PHKB: variants seen among roughly 807,000 people sequenced by gnomAD.
PHKB encodes phosphorylase b kinase regulatory subunit beta.
A neutral mutation model predicts 152.1 loss-of-function variants in PHKB; 122 were observed. That is an observed-to-expected ratio of 0.80 (90% CI 0.69 to 0.93). The LOEUF is 0.93. Among genes scored for constraint, PHKB ranks in the 40% least tolerant of loss-of-function variants. The probability of loss-of-function intolerance (pLI) is 0.00; values close to 1 mark genes in which losing one functional copy is unlikely to be tolerated. For synonymous variants in PHKB, 436 were observed against 464.9 expected, an observed-to-expected ratio of 0.94 and a Z score of 0.80; for missense variants, 1,304 against 1,328.4, an observed-to-expected ratio of 0.98 and a Z score of 0.29.
At chr16:47,476,961 TTC>T (rs1969879469) in intron 1 of PHKB, among the ~76,000 whole-genome samples, 1 of 152,190 alleles carries the variant, frequency 6.6e-6, no homozygotes, top group African/African-American at 2.4e-5. Context: ...CTTCCTCACA[TTC>T]TCTGCTGCAA....
At chr16:47,518,133 TA>T (rs879483516) in intron 6 of PHKB, among the ~76,000 whole-genome samples, 3 of 152,200 alleles carry the variant, frequency 2.0e-5, no homozygotes, top group Non-Finnish European at 4.4e-5. Flanking sequence ...ACTCACATTT[TA>T]AGACAATCTA....
intron 6 of PHKB, among the ~76,000 whole-genome samples, chr16:47,545,582 C>A (rs1971146647): frequency 6.6e-6 from 1 of 152,126 alleles, no homozygotes; most frequent in Non-Finnish European, 1.5e-5. Context: ...TGAGGTTGCT[C>A]TTTTCGAGGA....
chr16:47,464,471 G>A (rs1969632811), intron 1 of PHKB, among the ~76,000 whole-genome samples: 1 of 152,140 alleles, frequency 6.6e-6, no homozygotes, highest in African/African-American at 2.4e-5. Flanking sequence ...ATGTGCTTTG[G>A]CCTTTATCCT....
chr16:47,591,924 C>T (rs1441109306), intron 10 of PHKB, among the ~76,000 whole-genome samples: 2 of 152,176 alleles, frequency 1.3e-5, no homozygotes, highest in Non-Finnish European at 2.9e-5. Context: ...CTATTACTCC[C>T]TGGTTTAGGC....
At chr16:47,579,537 A>G (rs1019109942) in intron 7 of PHKB, among the ~76,000 whole-genome samples, 1 of 152,184 alleles carries the variant, frequency 6.6e-6, no homozygotes, top group African/African-American at 2.4e-5. Context: ...TGGCAAATAC[A>G]CTTGCTTTGA....
rs1043960499 is a variant in PHKB at position 47,473,218 on chromosome 16, ATTTTTTTTTTTTTTTT to A, written c.76+11811_76+11826del. On this transcript the variant is annotated intron_variant, in intron 1 of 30. Transcript: ENST00000323584. ...AGGTGTGCACTACCATGCCTGGCTA[ATTTTTTTTTTTTTTTT>A]TTTTTTTTTTTTTTTTTTATTGTAG... Among the ~76,000 whole-genome samples, 382 of 48,788 alleles carry A rather than the reference ATTTTTTTTTTTTTTTT, an allele frequency of 7.8e-3. 11 individuals are homozygous for A. The East Asian group carries it at 0.17, about 22-fold the overall frequency. 32.0% of individuals were successfully genotyped at this position (48,788 alleles called of 152,430 possible).
intron 7 of PHKB, among the ~76,000 whole-genome samples, chr16:47,551,137 A>G (rs1333328913): frequency 1.3e-5 from 2 of 151,738 alleles, no homozygotes; most frequent in Non-Finnish European, 2.9e-5. Flanking sequence ...GTAGTGGTCT[A>G]TTTCGTTAAT....
At chr16:47,609,314 G>C (rs1972382702) in intron 13 of PHKB, among the ~76,000 whole-genome samples, 1 of 151,864 alleles carries the variant, frequency 6.6e-6, no homozygotes, top group South Asian at 2.1e-4. Context: ...GTATTTTGTT[G>C]AGGATTTTTG....
intron 7 of PHKB, among the ~76,000 whole-genome samples, chr16:47,564,369 C>T (rs1971528863): frequency 2.0e-5 from 3 of 152,108 alleles, no homozygotes; most frequent in African/African-American, 7.2e-5. Flanking sequence ...AATGGTAATT[C>T]TGGCTGGAGT....
At chr16:47,489,710 T>C (rs1012971831) in intron 1 of PHKB, among the ~76,000 whole-genome samples, 2 of 152,200 alleles carry the variant, frequency 1.3e-5, no homozygotes, top group African/African-American at 4.8e-5. Flanking sequence ...AAGAACTGCG[T>C]AGGCAATGGT....
rs544327271 is a variant in PHKB, at chr16:47,539,600, C to A, written c.595-7833C>A. ...TCTATACTGTATATTAGACTCTAAG[C>A]TTAAGTGAGCTTAATATTAGAAAAA... On this transcript the variant is annotated intron_variant, in intron 6 of 30. Coordinates refer to ENST00000323584, the MANE Select transcript of PHKB (RefSeq NM_000293.3). 5.3e-5 allele frequency among the ~76,000 whole-genome samples: 8 copies of A among 151,894 alleles called. No homozygotes were observed. The East Asian group carries it at 9.7e-4, about 18-fold the overall frequency.
At chr16:47,648,326 T>G (rs1973171440) in intron 16 of PHKB, among the ~76,000 whole-genome samples, 1 of 152,220 alleles carries the variant, frequency 6.6e-6, no homozygotes, top group Non-Finnish European at 1.5e-5. Flanking sequence ...GCTAAGTAGA[T>G]CTGCAGAAGT....
chr16:47,502,885 C>T (rs1397656146), intron 3 of PHKB, 106 bp from the exon 4 acceptor site: 6 of 750,064 alleles, frequency 8.0e-6, no homozygotes, highest in Middle Eastern at 2.3e-4. Context: ...GTAGACATCA[C>T]CAGAACACAG....
At chr16:47,607,488 C>T (rs1362269107) in intron 13 of PHKB, among the ~76,000 whole-genome samples, 2 of 152,154 alleles carry the variant, frequency 1.3e-5, no homozygotes, top group African/African-American at 4.8e-5. Flanking sequence ...CAAGGTTTAT[C>T]CATGTTGTAG....
chr16:47,576,767 T>C (rs772475621), intron 7 of PHKB, among the ~76,000 whole-genome samples: 44 of 152,260 alleles, frequency 2.9e-4, no homozygotes, highest in Non-Finnish European at 5.6e-4. Flanking sequence ...CTATTATTAA[T>C]ATAGTCACTC....
Position 47,615,286 on chromosome 16 carries a change from G to A in PHKB, c.1458+4366G>A, listed in dbSNP as rs117525833. Among the ~76,000 whole-genome samples the A allele has an allele frequency of 5.1e-4, 77 of 152,266 alleles. 1 individual carries two copies. The East Asian group carries it at 0.015, about 29-fold the overall frequency. On this transcript the variant is annotated intron_variant, in intron 14 of 30. Transcript: ENST00000323584. ...GCTTTGAACCCTCTGCAGGTGAATT[G>A]GACTGCCCAAGGGTACCTGAGTAGT...
chr16:47,667,029 T>C (rs1973550735), intron 25 of PHKB, among the ~76,000 whole-genome samples: 2 of 152,126 alleles, frequency 1.3e-5, no homozygotes, highest in Admixed American at 6.5e-5. Context: ...CTTAATTCAT[T>C]AAGATTAAAA....
chr16:47,652,942 C>T (rs1389878027), intron 20 of PHKB, among the ~76,000 whole-genome samples: 1 of 152,060 alleles, frequency 6.6e-6, no homozygotes, highest in East Asian at 1.9e-4. Flanking sequence ...TGCAACCAAC[C>T]TCATTGTGGC....
chr16:47,663,572 C>G, intron 23 of PHKB, 105 bp from the exon 24 acceptor site: 1 of 861,390 alleles, frequency 1.2e-6, no homozygotes, highest in South Asian at 1.4e-5. Flanking sequence ...ATCGATGTAT[C>G]AACTCTAGTG....
Sources: allele counts gnomAD v4.1 joint callset (sites outside exome capture counted in the v4.1 genomes callset), GRCh38; gene constraint gnomAD v4.1.1; transcripts MANE v1.5; gene names NCBI Gene and HGNC (gene_info 2026-07-23, HGNC 2026-07-21).